The following SNX30 variants were observed in gnomAD, a reference collection of about 807,000 sequenced individuals.
The protein encoded by SNX30 is sorting nexin-30.
A neutral mutation model predicts 46.4 loss-of-function variants in SNX30; 24 were observed. The observed-to-expected ratio is 0.52, with a 90% CI of 0.37 to 0.73. The LOEUF (loss-of-function observed/expected upper bound fraction) is 0.73, where lower values mean the gene tolerates loss of function less well. SNX30 is among the 30% of genes least tolerant of loss of function. SNX30 has a pLI of 0.00. For synonymous variants in SNX30, 189 were observed against 211.5 expected, an observed-to-expected ratio of 0.89 and a Z score of 0.92; for missense variants, 533 against 555.7, an observed-to-expected ratio of 0.96 and a Z score of 0.41.
intron 1 of SNX30, among the ~76,000 whole-genome samples, chr9:112,756,696 G>T (rs1249823189): frequency 6.6e-6 from 1 of 152,018 alleles, no homozygotes; most frequent in Non-Finnish European, 1.5e-5. Flanking sequence ...CCTGACCTCA[G>T]GTGATCCGCC....
At chr9:112,819,352 T>C (rs4604521) in intron 3 of SNX30, among the ~76,000 whole-genome samples, 140,502 of 149,992 alleles carry the variant, frequency 0.94, 65,883 homozygotes, top group East Asian at 1. Context: ...CTGCAACCTC[T>C]GCCCCCGGAG....
chr9:112,853,706 G>A (rs1005349803), intron 7 of SNX30, among the ~76,000 whole-genome samples: 1 of 151,802 alleles, frequency 6.6e-6, no homozygotes, highest in Non-Finnish European at 1.5e-5. Context: ...GTGGTTGCCG[G>A]GACTCAGGAT....
rs531984965 is a variant in SNX30 at position 112,873,730 on chromosome 9, A to G, written c.*4887A>G. The G allele has an allele frequency of 6.6e-6, 1 of 152,324 alleles. No homozygotes were observed. The highest frequency in any genetic ancestry group is 6.5e-5 in the Admixed American group (1 of 15,306). 9.4% of individuals were successfully genotyped at this position (152,324 alleles called of 1,614,324 possible). A position where few individuals can be genotyped will look rare whatever the true frequency, so the allele number is the denominator to read the frequency against. On this transcript the variant is annotated 3_prime_UTR_variant, in exon 9 of 9. Transcript: ENST00000374232. The stretch of plus-strand genomic sequence containing the variant: ...ATCGGCATTGACAAATCACGTAGAA[A>G]CAAAGAATGCTATAGATGACAACAG...
At chr9:112,814,415 A>G (rs7868017) in intron 2 of SNX30, among the ~76,000 whole-genome samples, 56,738 of 151,600 alleles carry the variant, frequency 0.37, 11,129 homozygotes, top group South Asian at 0.5. Flanking sequence ...TAATTTTTGC[A>G]TTTTTTGTAG....
intron 6 of SNX30, among the ~76,000 whole-genome samples, chr9:112,846,373 G>A (rs913805552): frequency 2.0e-5 from 3 of 152,104 alleles, no homozygotes; most frequent in African/African-American, 7.2e-5. Context: ...ATAATGTGTG[G>A]TTTCAGTGTT....
At chr9:112,839,741 A>C (rs368623661) in intron 6 of SNX30, among the ~76,000 whole-genome samples, 4 of 152,340 alleles carry the variant, frequency 2.6e-5, no homozygotes, top group African/African-American at 9.6e-5. Context: ...AGACCTCTGA[A>C]TGATTAATCT....
intron 7 of SNX30, among the ~76,000 whole-genome samples, chr9:112,852,091 G>A (rs1352096658): frequency 6.6e-5 from 10 of 152,020 alleles, no homozygotes; most frequent in Non-Finnish European, 1.0e-4. Flanking sequence ...AGGCCAGCTC[G>A]GAACTCGTCA....
intron 8 of SNX30, 150 bp downstream of exon 8, chr9:112,864,549 C>A: frequency 9.5e-7 from 1 of 1,050,902 alleles, no homozygotes; most frequent in Non-Finnish European, 1.4e-6. Context: ...TGCCCTTGCC[C>A]AACCATGTGG....
intron 1 of SNX30, among the ~76,000 whole-genome samples, chr9:112,760,476 G>T (rs1588105942): frequency 6.6e-6 from 1 of 152,188 alleles, no homozygotes; most frequent in African/African-American, 2.4e-5. Flanking sequence ...TCTTTCCTGA[G>T]ATTTATGAGA....
At chr9:112,837,947 G>A (rs1341458118) in intron 5 of SNX30, among the ~76,000 whole-genome samples, 1 of 136,872 alleles carries the variant, frequency 7.3e-6, no homozygotes, top group Non-Finnish European at 1.5e-5. Flanking sequence ...CTAGAGTGCA[G>A]TGGAGTGATC....
At chr9:112,844,701 A>G (rs146817714) in intron 6 of SNX30, among the ~76,000 whole-genome samples, 1 of 152,394 alleles carries the variant, frequency 6.6e-6, no homozygotes, top group African/African-American at 2.4e-5. Flanking sequence ...GATCGAGATT[A>G]CAAGTGTGAA....
intron 1 of SNX30, among the ~76,000 whole-genome samples, chr9:112,798,127 T>C (rs1330522818): frequency 8.0e-4 from 46 of 57,288 alleles, no homozygotes; most frequent in African/African-American, 1.3e-3. Context: ...TTTTCTTTTT[T>C]TTTTTTTTTT....
intron 1 of SNX30, among the ~76,000 whole-genome samples, chr9:112,790,697 A>G (rs898500721): frequency 6.6e-6 from 1 of 152,226 alleles, no homozygotes; most frequent in Non-Finnish European, 1.5e-5. Context: ...CATAATTATG[A>G]ACACTAATGC....
At chr9:112,753,687 T>C (rs945058221) in intron 1 of SNX30, among the ~76,000 whole-genome samples, 1 of 152,310 alleles carries the variant, frequency 6.6e-6, no homozygotes, top group South Asian at 2.1e-4. Context: ...CTGGCCTAAT[T>C]ATTGAATATT....
chr9:112,864,311 A>G lies in SNX30; in HGVS notation c.1166A>G (p.Asp389Gly). The G allele has an allele frequency of 6.2e-7, 1 of 1,614,176 alleles. No homozygotes were observed. The highest frequency in any genetic ancestry group is 8.5e-7 in the Non-Finnish European group (1 of 1,180,018). ...MECFNADLKA[D>G]MERWQNNKRQ... ...TGTTTCAATGCTGACCTGAAAGCTGACATGGAGAGGTGGCAGAACAACAAG... is the reference window on the plus strand; with the variant it reads ...TGTTTCAATGCTGACCTGAAAGCTGGCATGGAGAGGTGGCAGAACAACAAG... Residue 389 changes from aspartate to glycine, a missense_variant, in exon 8 of 9, where the codon GAC becomes GGC. By Grantham distance (94) the Asp-to-Gly change is moderately conservative (BLOSUM62 -1). Coordinates refer to ENST00000374232, the MANE Select transcript of SNX30 (RefSeq NM_001012994.2).
intron 1 of SNX30, among the ~76,000 whole-genome samples, chr9:112,794,196 A>G (rs1459559093): frequency 6.6e-6 from 1 of 151,706 alleles, no homozygotes; most frequent in African/African-American, 2.4e-5. Flanking sequence ...CTTGTCGCAT[A>G]GGTTGGAGTG....
intron 1 of SNX30, among the ~76,000 whole-genome samples, chr9:112,753,275 G>T (rs1839304216): frequency 1.3e-5 from 2 of 152,194 alleles, no homozygotes; most frequent in African/African-American, 4.8e-5. Context: ...GTACCACCAA[G>T]ATCTGGTTAG....
chr9:112,770,725 C>T (rs1351583861), intron 1 of SNX30, among the ~76,000 whole-genome samples: 3 of 150,956 alleles, frequency 2.0e-5, no homozygotes, highest in Non-Finnish European at 3.0e-5. Flanking sequence ...TGGCCGGGCG[C>T]GGTGGCTCAC....
chr9:112,829,833 A>G (rs181902907), intron 3 of SNX30, among the ~76,000 whole-genome samples: 66 of 151,992 alleles, frequency 4.3e-4, no homozygotes, highest in African/African-American at 1.5e-3. Context: ...GCGTATCATG[A>G]TGGTTTTACT....
Sources: allele counts gnomAD v4.1 joint callset (sites outside exome capture counted in the v4.1 genomes callset), GRCh38; gene constraint gnomAD v4.1.1; transcripts MANE v1.5; gene names NCBI Gene and HGNC (gene_info 2026-07-23, HGNC 2026-07-21).